HEXIM2: variants seen among roughly 807,000 people sequenced by gnomAD.
HEXIM2 encodes protein HEXIM2.
For synonymous variants in HEXIM2, 159 were observed against 162.7 expected (o/e 0.98, Z 0.17); for missense variants, 413 against 390.8 (o/e 1.06, Z -0.48).
At chr17:45,167,854 CCAA>C (rs1332576666) in intron 3 of HEXIM2, among the ~76,000 whole-genome samples, 1 of 151,636 alleles carries the variant, frequency 6.6e-6, no homozygotes. Flanking sequence ...TCTTGGCCTC[CCAA>C]AGTGCTGGGA....
chr17:45,162,605 C>A lies in HEXIM2; in HGVS notation c.-75C>A. On this transcript the variant is annotated 5_prime_UTR_variant, in exon 2 of 4. Coordinates refer to ENST00000589230, the MANE Select transcript of HEXIM2 (RefSeq NM_001303441.2). ...GAGGTGTGAAAACCAGCGGTGGAGG[C>A]AGCCTTCGGGGCCTGCATTTGAGAA... is the stretch of plus-strand genomic sequence containing the variant. 7.0e-7 allele frequency: 1 copy of A among 1,423,378 alleles called. No homozygotes were observed. Among genetic ancestry groups the A allele is most frequent in the Non-Finnish European group, 9.2e-7 (1 of 1,089,804 alleles). The allele number at this position is 1,423,378 out of a possible 1,614,324, so 88.2% of individuals were successfully genotyped here.
At chr17:45,165,851 G>A (rs968999007) in intron 3 of HEXIM2, among the ~76,000 whole-genome samples, 3 of 151,864 alleles carry the variant, frequency 2.0e-5, no homozygotes, top group African/African-American at 7.3e-5. Context: ...CTGGAGTGCA[G>A]TGGCGTGATC....
In HEXIM2 at chr17:45,169,450, G is replaced by A; in HGVS notation, c.502G>A (p.Gly168Ser). The A allele has an allele frequency of 6.2e-7, 1 of 1,614,000 alleles. No homozygotes were observed. ...LDVPHGISHP[G>S]SSGESEAGDS... ...TGTGCCCCATGGGATCTCCCACCCA[G>A]GTTCCAGTGGGGAGAGTGAGGCCGG... The change falls in exon 4 of 4, where the codon GGT becomes AGT. Residue 168 changes from glycine to serine, a missense_variant. By Grantham distance (56) the Gly-to-Ser change is moderately conservative (BLOSUM62 0). Transcript: ENST00000589230.
upstream of HEXIM2, chr17:45,161,004 T>A (rs2042668009): frequency 1.1e-5 from 14 of 1,252,796 alleles, no homozygotes; most frequent in South Asian, 1.5e-4. Context: ...CACGCCGACT[T>A]GTGGCCAGAC....
upstream of HEXIM2, chr17:45,161,581 A>G (rs1333651350): frequency 6.3e-6 from 1 of 158,268 alleles, no homozygotes; most frequent in African/African-American, 2.4e-5. Flanking sequence ...CGCCCACCTT[A>G]GCCGGATCTA....
At chr17:45,161,518 G>A (rs954915957), upstream of HEXIM2, 5 of 161,998 alleles carry the variant, frequency 3.1e-5, no homozygotes, top group African/African-American at 1.2e-4. Flanking sequence ...GATGGCCGCC[G>A]AGCTTCTCGT....
chr17:45,169,253 G>C lies in HEXIM2; in HGVS notation c.305G>C (p.Trp102Ser). Residue 102 changes from tryptophan to serine, a missense_variant, in exon 4 of 4, where the codon TGG (tryptophan) becomes TCG (serine). By Grantham distance (177) the Trp-to-Ser change is radical. Transcript: ENST00000589230. ...CGGCCATCGAAGCGCAAAAGGCACT[G>C]GCGACCCTACCTGGAGCTGAGCTGG... ...RRRPSKRKRH[W>S]RPYLELSWAE... The C allele has an allele frequency of 6.2e-7, 1 of 1,613,794 alleles. No individual in the cohort carries two copies. Among genetic ancestry groups the C allele is most frequent in the Non-Finnish European group, 8.5e-7 (1 of 1,180,036 alleles).
chr17:45,165,645 C>A (rs966878325), intron 3 of HEXIM2, among the ~76,000 whole-genome samples: 5 of 152,146 alleles, frequency 3.3e-5, no homozygotes, highest in Non-Finnish European at 7.3e-5. Context: ...TCACTGCAGA[C>A]TGGAGGCTGA....
chr17:45,162,454 C>G, intron 1 of HEXIM2, 34 bp from the exon 2 acceptor site: 1 of 1,097,040 alleles, frequency 9.1e-7, no homozygotes, highest in South Asian at 2.6e-5. Context: ...CACCTGGCTT[C>G]CTGGCTGCCA....
upstream of HEXIM2, among the ~76,000 whole-genome samples, chr17:45,160,505 G>A (rs966613603): frequency 6.6e-6 from 1 of 152,026 alleles, no homozygotes; most frequent in African/African-American, 2.4e-5. Context: ...CCCTCTAGGA[G>A]GGCAGCCATT....
upstream of HEXIM2, chr17:45,161,321 C>A (rs886805227): frequency 2.7e-5 from 8 of 293,890 alleles, no homozygotes; most frequent in Admixed American, 4.2e-5. Flanking sequence ...GAGGACCGGG[C>A]TCGGCCGAGG....
chr17:45,167,792 T>C (rs532925374), intron 3 of HEXIM2, among the ~76,000 whole-genome samples: 10 of 152,188 alleles, frequency 6.6e-5, no homozygotes, highest in Non-Finnish European at 5.9e-5. Flanking sequence ...GAGATGGGGT[T>C]TCACCACATT....
Position 45,161,911 on chromosome 17 carries a change from G to A in HEXIM2, c.-313G>A, listed in dbSNP as rs1404430519. 2 of 985,506 alleles carry A rather than the reference G, an allele frequency of 2.0e-6. No homozygotes were observed. The highest frequency in any genetic ancestry group is 1.1e-4 in the East Asian group (1 of 8,822). 61.0% of individuals were successfully genotyped at this position (985,506 alleles called of 1,614,324 possible). A position where few individuals can be genotyped will look rare whatever the true frequency, so the allele number is the denominator to read the frequency against. Reference sequence around the variant, plus strand: ...CCCATCTTAGTGGCCTGAGCGGCTTGACCAGAGCTGCTGCAACTGCAGCAA... The same window carrying A: ...CCCATCTTAGTGGCCTGAGCGGCTTAACCAGAGCTGCTGCAACTGCAGCAA... On this transcript the variant is annotated 5_prime_UTR_variant, in exon 1 of 4. Coordinates refer to ENST00000589230, the MANE Select transcript of HEXIM2 (RefSeq NM_001303441.2).
At chr17:45,161,103 G>A (rs1185425367), upstream of HEXIM2, 4 of 505,616 alleles carry the variant, frequency 7.9e-6, no homozygotes, top group Admixed American at 2.5e-5. Flanking sequence ...CCCTCTGTGC[G>A]GGGCCTCGCC....
chr17:45,162,331 A>AG (rs761162001), intron 1 of HEXIM2, among the ~76,000 whole-genome samples, 157 bp from the exon 2 acceptor site: 2 of 152,178 alleles, frequency 1.3e-5, no homozygotes, highest in Non-Finnish European at 2.9e-5. Context: ...ACAGTGGGGA[A>AG]GGACTCGTGA....
upstream of HEXIM2, chr17:45,160,690 G>C (rs2042661102): frequency 2.8e-6 from 1 of 359,764 alleles, no homozygotes; most frequent in Non-Finnish European, 5.6e-6. Context: ...TTCAAGAGAA[G>C]TGGGGCAGCA....
At chr17:45,161,055 T>G, upstream of HEXIM2, 2 of 859,150 alleles carry the variant, frequency 2.3e-6, no homozygotes, top group Non-Finnish European at 3.3e-6. Flanking sequence ...GCCTCTGGAA[T>G]CTGGCGTCGC....
intron 3 of HEXIM2, among the ~76,000 whole-genome samples, chr17:45,164,524 C>A (rs1293968642): frequency 6.6e-6 from 1 of 152,114 alleles, no homozygotes; most frequent in Non-Finnish European, 1.5e-5. Context: ...GTAATCCCAG[C>A]TGCTTGGGAG....
At chr17:45,167,961 T>C (rs1460815229) in intron 3 of HEXIM2, among the ~76,000 whole-genome samples, 2 of 151,534 alleles carry the variant, frequency 1.3e-5, no homozygotes, top group East Asian at 3.9e-4. Context: ...GGTGTAATCT[T>C]GGCTCACTGC....
Sources: gnomAD v4.1 joint callset for allele counts (sites outside exome capture counted in the v4.1 genomes callset) on GRCh38, gnomAD v4.1.1 for gene constraint, MANE v1.5 for transcripts, NCBI Gene and HGNC (gene_info 2026-07-23, HGNC 2026-07-21) for gene names.